The following MOB1A variants were observed in gnomAD, a reference collection of about 807,000 sequenced individuals.
The protein encoded by MOB1A is MOB1 Mps One Binder homolog A.
Under a neutral mutation model 25.1 loss-of-function variants are expected in MOB1A, and 10 were observed. That is an observed-to-expected ratio of 0.40 (90% CI 0.25 to 0.68). The LOEUF (loss-of-function observed/expected upper bound fraction) is 0.68, where lower values mean the gene tolerates loss of function less well. Among genes scored for constraint, MOB1A ranks in the 30% least tolerant of loss-of-function variants. The pLI is 0.40. For missense variants in MOB1A, 177 were observed against 256.3 expected, an observed-to-expected ratio of 0.69 and a Z score of 2.11; for synonymous variants, 81 against 79.5, an observed-to-expected ratio of 1.02 and a Z score of -0.10.
chr2:74,164,047 C>A (rs1693056420), intron 4 of MOB1A: 1 of 152,080 alleles, frequency 6.6e-6, no homozygotes, highest in Non-Finnish European at 1.5e-5. Context: ...CCACAGTCAC[C>A]AACGTGTGGA....
At chr2:74,178,376 T>A (rs1693538649) in intron 1 of MOB1A, 2 of 291,136 alleles carry the variant, frequency 6.9e-6, no homozygotes, top group South Asian at 3.2e-4. Flanking sequence ...CCAGATCGTC[T>A]CCCCGCCCTC....
In MOB1A at chr2:74,156,423, G is replaced by A. The variant is rs755848470; in HGVS notation, c.*145C>T. The A allele has an allele frequency of 1.4e-6, 1 of 703,762 alleles. No individual in the cohort carries two copies. Among genetic ancestry groups the A allele is most frequent in the African/African-American group, 1.8e-5 (1 of 55,122 alleles). The allele number at this position is 703,762 out of a possible 1,614,324, so 43.6% of individuals were successfully genotyped here. On this transcript the variant is annotated 3_prime_UTR_variant, in exon 6 of 6. Coordinates refer to ENST00000396049, the MANE Select transcript of MOB1A (RefSeq NM_018221.5). ...AAACTATCACACCAACCTACCTTTG[G>A]GATAATTTTATCAGTAGACACAGGC...
At chr2:74,174,179 G>C (rs141434758) in intron 1 of MOB1A, among the ~76,000 whole-genome samples, 36 of 149,680 alleles carry the variant, frequency 2.4e-4, no homozygotes, top group African/African-American at 7.7e-4. Flanking sequence ...GCTGAGGCAG[G>C]AGAATGGCTT....
intron 2 of MOB1A, among the ~76,000 whole-genome samples, chr2:74,170,787 C>T (rs1021060130): frequency 6.0e-5 from 9 of 149,652 alleles, no homozygotes; most frequent in Admixed American, 3.3e-4. Flanking sequence ...GCTACTCGGA[C>T]GGGTGAGGTG....
rs58720139 is a variant in MOB1A, at chr2:74,158,778, C to CAAAAAAA, written c.573+306_573+312dup. On this transcript the variant is annotated intron_variant, in intron 5 of 5. Coordinates refer to ENST00000396049, the MANE Select transcript of MOB1A (RefSeq NM_018221.5). ...TGGGCCACAGAGTGAGACCCTGTCT[C>CAAAAAAA]AAAAAAAAAAAAAAAAAAAGTTCCA... Among the ~76,000 whole-genome samples the CAAAAAAA allele has an allele frequency of 3.7e-5, 3 of 82,022 alleles. No individual in the cohort carries two copies. In the Admixed American group the frequency reaches 3.7e-4, roughly 10 times the overall value. The allele number at this position is 82,022 out of a possible 152,430, so 53.8% of individuals were successfully genotyped here. A position where few individuals can be genotyped will look rare whatever the true frequency, so the allele number is the denominator to read the frequency against.
intron 1 of MOB1A, chr2:74,173,092 C>T: frequency 2.2e-6 from 1 of 465,006 alleles, no homozygotes; most frequent in Non-Finnish European, 4.3e-6. Context: ...GCTGAAATCG[C>T]ATCACTGCAC....
At chr2:74,165,813 C>T (rs11126426) in intron 3 of MOB1A, among the ~76,000 whole-genome samples, 81,849 of 152,064 alleles carry the variant, frequency 0.54, 24,176 homozygotes, top group East Asian at 0.77. Context: ...TTACCTTTGC[C>T]GAGCTAGAAG....
At chr2:74,162,067 A>T (rs1692988664) in intron 4 of MOB1A, among the ~76,000 whole-genome samples, 1 of 152,252 alleles carries the variant, frequency 6.6e-6, no homozygotes, top group Admixed American at 6.5e-5. Context: ...TAAAAAATTA[A>T]TGATAAACAG....
At chr2:74,170,968 A>G (rs1275278888) in intron 2 of MOB1A, among the ~76,000 whole-genome samples, 5 of 152,156 alleles carry the variant, frequency 3.3e-5, no homozygotes, top group African/African-American at 7.2e-5. Flanking sequence ...TAGATTTTTA[A>G]AGCAAAAAAA....
chr2:74,177,822 T>C (rs1693518207), intron 1 of MOB1A, among the ~76,000 whole-genome samples: 1 of 152,108 alleles, frequency 6.6e-6, no homozygotes, highest in Non-Finnish European at 1.5e-5. Flanking sequence ...GAATAAAAAA[T>C]ACTGTGCCAG....
chr2:74,178,717 C>T lies in MOB1A; in HGVS notation c.-43G>A, dbSNP rs1693551606. On this transcript the variant is annotated 5_prime_UTR_variant, in exon 1 of 6. Coordinates refer to ENST00000396049, the MANE Select transcript of MOB1A (RefSeq NM_018221.5). ...GAGGCGAGGGGCCCCTGGCCCCCGC[C>T]TGGATCAGGATTCGGAGCTGGCTAG... 2 of 1,203,302 alleles carry T rather than the reference C, an allele frequency of 1.7e-6. No homozygotes were observed. Among genetic ancestry groups the T allele is most frequent in the Non-Finnish European group, 1.1e-6 (1 of 939,762 alleles). The allele number at this position is 1,203,302 out of a possible 1,614,324, so 74.5% of individuals were successfully genotyped here.
intron 2 of MOB1A, among the ~76,000 whole-genome samples, chr2:74,168,313 C>A (rs1417300039): frequency 6.6e-6 from 1 of 152,104 alleles, no homozygotes; most frequent in African/African-American, 2.4e-5. Context: ...AGTAAATAAA[C>A]TTTACTGAGT....
rs1207010178 is a variant in MOB1A at position 74,167,022 on chromosome 2, T to C, written c.267A>G (p.Ala89=). The part of the protein sequence containing the change: ...CTEASCPVMS[A]GPRYEYHWAD... ...ATAGGCAGTATATGTACCTCGGACC[T>C]GCAGACATGACTGGACAGCTTGCTT... The change falls in exon 3 of 6, where the codon GCA becomes GCG. Residue 89 remains alanine (A), a synonymous_variant. Coordinates refer to ENST00000396049, the MANE Select transcript of MOB1A (RefSeq NM_018221.5). The C allele has an allele frequency of 1.2e-6, 2 of 1,613,144 alleles. No homozygotes were observed. Among genetic ancestry groups the C allele is most frequent in the Admixed American group, 3.3e-5 (2 of 59,976 alleles).
chr2:74,166,711 C>T (rs1174059997), intron 3 of MOB1A, among the ~76,000 whole-genome samples: 1 of 152,160 alleles, frequency 6.6e-6, no homozygotes, highest in East Asian at 1.9e-4. Flanking sequence ...TGGCACAGGC[C>T]TGTAATCCCA....
chr2:74,172,754 T>C lies in MOB1A; in HGVS notation c.15-2A>G. 6.2e-7 allele frequency: 1 copy of C among 1,611,796 alleles called. No individual in the cohort carries two copies. Among genetic ancestry groups the C allele is most frequent in the South Asian group, 1.1e-5 (1 of 90,874 alleles). Reference sequence around the variant, plus strand: ...AATGTTTTAGAAGAGCGGCTGCTGCTGTAAGATTAAAAGTGCAAGTATATG... The same window carrying C: ...AATGTTTTAGAAGAGCGGCTGCTGCCGTAAGATTAAAAGTGCAAGTATATG... On this transcript the variant is annotated splice_acceptor_variant, in intron 1 of 5. Transcript: ENST00000396049. LOFTEE classifies it high-confidence loss of function.
At chr2:74,166,109 GA>G (rs376055293) in intron 3 of MOB1A, among the ~76,000 whole-genome samples, 1,623 of 144,250 alleles carry the variant, frequency 0.011, 32 homozygotes, top group African/African-American at 0.038. Context: ...TTTATTATAA[GA>G]AAAAAAAAAG....
rs200659430 is a variant in MOB1A, at chr2:74,170,894, G to GA, written c.181+1691dup. 5.1e-3 allele frequency among the ~76,000 whole-genome samples: 763 copies of GA among 148,522 alleles called. 6 individuals carry two copies. Among genetic ancestry groups the GA allele is most frequent in the African/African-American group, 0.014 (550 of 40,452 alleles). ...AACAAAGCAAGACCCCATCTCTGAA[G>GA]AAAAAAAAAGAGATTCAAGAAGCAT... is the stretch of plus-strand genomic sequence containing the variant. On this transcript the variant is annotated intron_variant, in intron 2 of 5. Transcript: ENST00000396049.
chr2:74,176,001 T>G (rs559692325), intron 1 of MOB1A, among the ~76,000 whole-genome samples: 1 of 151,420 alleles, frequency 6.6e-6, no homozygotes, highest in South Asian at 2.1e-4. Flanking sequence ...ATCCCAGCAC[T>G]CTGGGAGGGC....
intron 2 of MOB1A, among the ~76,000 whole-genome samples, chr2:74,168,218 G>C (rs1693186149): frequency 6.6e-6 from 1 of 152,200 alleles, no homozygotes; most frequent in Non-Finnish European, 1.5e-5. Context: ...AAAAGGCAAA[G>C]TCATGAAGAG....
Sources: allele counts gnomAD v4.1 joint callset (sites outside exome capture counted in the v4.1 genomes callset), GRCh38; gene constraint gnomAD v4.1.1; transcripts MANE v1.5; gene names NCBI Gene and HGNC (gene_info 2026-07-23, HGNC 2026-07-21).